The following REDIC1 variants were observed in gnomAD, a reference collection of about 807,000 sequenced individuals.
REDIC1 encodes regulator of DNA class I crossover intermediates 1.
the REDIC1 span, among the ~76,000 whole-genome samples, chr12:39,788,979 A>G: frequency 6.6e-6 from 1 of 152,128 alleles, no homozygotes; most frequent in African/African-American, 2.4e-5. Flanking sequence ...AATCGGATTG[A>G]TGCCATAGTT....
At chr12:39,751,512 G>A in the REDIC1 span, among the ~76,000 whole-genome samples, 2 of 152,150 alleles carry the variant, frequency 1.3e-5, no homozygotes, top group African/African-American at 4.8e-5. Context: ...CAAGGATCTA[G>A]AACTAGAAAT....
At chr12:39,738,895 T>A in the REDIC1 span, among the ~76,000 whole-genome samples, 1 of 152,178 alleles carries the variant, frequency 6.6e-6, no homozygotes, top group Non-Finnish European at 1.5e-5. Flanking sequence ...ATGAGTCATT[T>A]CTGAATTTTA....
chr12:39,808,592 T>G, the REDIC1 span, among the ~76,000 whole-genome samples: 2,371 of 152,294 alleles, frequency 0.016, 29 homozygotes, highest in South Asian at 0.04. Context: ...CACCAACACT[T>G]GATATTTTGA....
the REDIC1 span, among the ~76,000 whole-genome samples, chr12:39,774,599 T>C: frequency 6.6e-6 from 1 of 151,384 alleles, no homozygotes; most frequent in African/African-American, 2.4e-5. Context: ...TTTTTTTTTT[T>C]TGGTTTTGTA....
the REDIC1 span, among the ~76,000 whole-genome samples, chr12:39,711,633 GTA>G: frequency 0.74 from 92,507 of 125,564 alleles, 35,926 homozygotes; most frequent in Non-Finnish European, 0.84. Flanking sequence ...ACACGTATGT[GTA>G]TATGTGTATA....
At chr12:39,790,509 G>A in the REDIC1 span, among the ~76,000 whole-genome samples, 1 of 150,304 alleles carries the variant, frequency 6.7e-6, no homozygotes, top group Non-Finnish European at 1.5e-5. Context: ...TGAGAATGAT[G>A]GTTTCCAATT....
the REDIC1 span, chr12:39,626,290 G>A: frequency 6.8e-6 from 11 of 1,608,714 alleles, no homozygotes; most frequent in Admixed American, 1.7e-5. Context: ...GAGCTGAGAT[G>A]TCTGAGCTCT....
At chr12:39,633,300 A>T in the REDIC1 span, among the ~76,000 whole-genome samples, 1 of 152,092 alleles carries the variant, frequency 6.6e-6, no homozygotes, top group Non-Finnish European at 1.5e-5. Flanking sequence ...AAATACACAT[A>T]TTAATCTAGG....
the REDIC1 span, among the ~76,000 whole-genome samples, chr12:39,821,580 AGTTATGCTTCT>A: frequency 6.6e-6 from 1 of 152,184 alleles, no homozygotes; most frequent in African/African-American, 2.4e-5. Flanking sequence ...ACCTCAGGTC[AGTTATGCTTCT>A]GTTCCACATT....
At chr12:39,645,694 A>T in the REDIC1 span, among the ~76,000 whole-genome samples, 1 of 152,098 alleles carries the variant, frequency 6.6e-6, no homozygotes, top group Non-Finnish European at 1.5e-5. Flanking sequence ...GCAGAATGGG[A>T]TACGATTATT....
At chr12:39,795,919 C>T in the REDIC1 span, among the ~76,000 whole-genome samples, 2 of 152,074 alleles carry the variant, frequency 1.3e-5, no homozygotes, top group African/African-American at 2.4e-5. Context: ...CCTTTTAAAG[C>T]ATATAACTCA....
At chr12:39,768,248 T>C in the REDIC1 span, among the ~76,000 whole-genome samples, 1 of 152,074 alleles carries the variant, frequency 6.6e-6, no homozygotes, top group Non-Finnish European at 1.5e-5. Flanking sequence ...GGATTAGGCT[T>C]GTGCTTAAGG....
At chr12:39,885,890 T>G in the REDIC1 span, among the ~76,000 whole-genome samples, 1 of 152,326 alleles carries the variant, frequency 6.6e-6, no homozygotes, top group African/African-American at 2.4e-5. Context: ...TTCTAACGTA[T>G]TTGGTTCAAC....
chr12:39,764,832 G>GA, the REDIC1 span: 1 of 1,612,162 alleles, frequency 6.2e-7, no homozygotes, highest in Non-Finnish European at 8.5e-7. Context: ...TATATCTTCT[G>GA]TTTTGAACTT....
At chr12:39,848,770 A>G in the REDIC1 span, among the ~76,000 whole-genome samples, 1 of 152,160 alleles carries the variant, frequency 6.6e-6, no homozygotes, top group Non-Finnish European at 1.5e-5. Context: ...TGGACTCAAC[A>G]TAAATGCCCT....
the REDIC1 span, among the ~76,000 whole-genome samples, chr12:39,705,372 C>G: frequency 2.6e-5 from 4 of 152,016 alleles, no homozygotes; most frequent in Non-Finnish European, 5.9e-5. Flanking sequence ...CTGCTGAATT[C>G]TACAAAACAT....
the REDIC1 span, among the ~76,000 whole-genome samples, chr12:39,793,102 A>C: frequency 6.6e-6 from 1 of 152,214 alleles, no homozygotes; most frequent in African/African-American, 2.4e-5. Context: ...TATATGTAGA[A>C]AATCTAATGG....
the REDIC1 span, among the ~76,000 whole-genome samples, chr12:39,727,297 G>A: frequency 6.6e-6 from 1 of 152,154 alleles, no homozygotes; most frequent in Admixed American, 6.6e-5. Flanking sequence ...TTATGTTTAA[G>A]TCCTTAATCC....
the REDIC1 span, among the ~76,000 whole-genome samples, chr12:39,723,518 G>C: frequency 6.6e-6 from 1 of 151,906 alleles, no homozygotes; most frequent in East Asian, 1.9e-4. Flanking sequence ...CTTTCTCGGT[G>C]AAACTGATGA....
Sources: allele counts gnomAD v4.1 joint callset (sites outside exome capture counted in the v4.1 genomes callset), GRCh38; gene constraint gnomAD v4.1.1; transcripts MANE v1.5; gene names NCBI Gene and HGNC (gene_info 2026-07-23, HGNC 2026-07-21).